NCAPH2: variants seen among roughly 807,000 people sequenced by gnomAD.
The protein encoded by NCAPH2 is condensin-2 complex subunit H2.
In NCAPH2, 56 loss-of-function variants were observed where a neutral mutation model predicts 88.6. The observed-to-expected ratio is 0.63, with a 90% CI of 0.51 to 0.79. NCAPH2 has a LOEUF of 0.79. NCAPH2 is among the 30% of genes least tolerant of loss of function. The pLI, the probability that NCAPH2 is intolerant of heterozygous loss-of-function variation, is 0.00. For synonymous variants in NCAPH2, 378 were observed against 313.6 expected (o/e 1.21, Z -2.17); for missense variants, 794 against 792.0 (o/e 1.00, Z -0.03).
Position 50,521,762 on chromosome 22 carries a change from C to A in NCAPH2, c.1022C>A (p.Pro341His), listed in dbSNP as rs138105501. 26 of 1,613,872 alleles carry A rather than the reference C, an allele frequency of 1.6e-5. No individual in the cohort carries two copies. Among genetic ancestry groups the A allele is most frequent in the East Asian group, 6.7e-5 (3 of 44,902 alleles). The change falls in exon 12 of 20, where the codon CCC becomes CAC. Residue 341 changes from proline to histidine, a missense_variant. Around this residue, in one of 2 missense-constraint regions of NCAPH2, gnomAD observed 735 missense variants for 696.3 expected, o/e 1.06. Coordinates refer to ENST00000420993, the MANE Select transcript of NCAPH2 (RefSeq NM_152299.4). ...CCAGGTAGGCCTTACTCTGTGCCCC[C>A]CTGTGTGGAGGAGGCTCTGGGACAG... ...FKKGRPYSVP[P>H]CVEEALGQKR...
Position 50,523,408 on chromosome 22 carries a change from T to C in NCAPH2, c.*33T>C, listed in dbSNP as rs1165547986. On this transcript the variant is annotated 3_prime_UTR_variant, in exon 20 of 20. Coordinates refer to ENST00000420993, the MANE Select transcript of NCAPH2 (RefSeq NM_152299.4). ...GCACCGAGGCAGGGGTGGGGGAATG[T>C]GTACTGAGGAGCCGTGTGTCTGCTC... The C allele has an allele frequency of 2.0e-6, 3 of 1,528,248 alleles. No individual in the cohort carries two copies. The Admixed American group carries it at 6.0e-5, about 31-fold the overall frequency. 94.7% of individuals were successfully genotyped at this position (1,528,248 alleles called of 1,614,324 possible).
Position 50,523,828 on chromosome 22 carries a change from G to C in NCAPH2, c.*453G>C. 1 of 1,614,096 alleles carries C rather than the reference G, an allele frequency of 6.2e-7. No homozygotes were observed. Among genetic ancestry groups the C allele is most frequent in the African/African-American group, 1.3e-5 (1 of 75,048 alleles). On this transcript the variant is annotated 3_prime_UTR_variant, in exon 20 of 20. Transcript: ENST00000420993. The stretch of plus-strand genomic sequence containing the variant: ...GTGACTAGCCTGGGCAACCTGTTTG[G>C]TGGAGCCGGTCAGACCCAACAGTCT...
At position 50,522,667 on chromosome 22, in the gene NCAPH2, C is replaced by T; in HGVS notation, c.1376-4C>T. The T allele has an allele frequency of 2.5e-6, 4 of 1,613,740 alleles. No homozygotes were observed. Among genetic ancestry groups the T allele is most frequent in the Non-Finnish European group, 3.4e-6 (4 of 1,179,994 alleles). ...CTGCCCAGCTCACAGCTACCCCTTC[C>T]CAGACGCAGTGCCGATGTCCCTGAG... On this transcript the variant is annotated splice_region_variant and splice_polypyrimidine_tract_variant and intron_variant, in intron 16 of 19. Transcript: ENST00000420993.
chr22:50,523,905 G>A lies in NCAPH2; in HGVS notation c.*530G>A, dbSNP rs761546260. 3.2e-5 allele frequency: 51 copies of A among 1,613,576 alleles called. No individual in the cohort carries two copies. The highest frequency in any genetic ancestry group is 4.2e-5 in the Non-Finnish European group (49 of 1,179,944). On this transcript the variant is annotated 3_prime_UTR_variant, in exon 20 of 20. Transcript: ENST00000420993. ...CCATGGCTTCAACGTCGTCCCGCTC[G>A]GGGTCCACAGTGATGAAGACAGGCT...
chr22:50,522,821 G>A lies in NCAPH2; in HGVS notation c.1426G>A (p.Glu476Lys), dbSNP rs772778427. The change falls in exon 18 of 20, where the codon GAG (glutamate) becomes AAG (lysine). Residue 476 changes from glutamate to lysine, a missense_variant and splice_region_variant. Coordinates refer to ENST00000420993, the MANE Select transcript of NCAPH2 (RefSeq NM_152299.4). ...SYEELVRRNV[E>K]LFIATSQKFV... The stretch of plus-strand genomic sequence containing the variant: ...GTAGCTCCTGCTGATCCTCCCCTAG[G>A]AGCTCTTCATCGCCACCTCCCAGAA... The A allele has an allele frequency of 6.2e-7, 1 of 1,613,140 alleles. No individual in the cohort carries two copies. Among genetic ancestry groups the A allele is most frequent in the Admixed American group, 1.7e-5 (1 of 60,004 alleles).
chr22:50,519,522 G>T, intron 9 of NCAPH2: 3 of 1,416,616 alleles, frequency 2.1e-6, no homozygotes, highest in Non-Finnish European at 2.8e-6. Flanking sequence ...CCCTCTCTGA[G>T]CAGAACTGAT....
At position 50,523,967 on chromosome 22, in the gene NCAPH2, G is replaced by A. The variant is rs1403272546; in HGVS notation, c.*592G>A. 16 of 1,612,152 alleles carry A rather than the reference G, an allele frequency of 9.9e-6. No homozygotes were observed. Among genetic ancestry groups the A allele is most frequent in the South Asian group, 8.8e-5 (8 of 91,072 alleles). On this transcript the variant is annotated 3_prime_UTR_variant, in exon 20 of 20. Transcript: ENST00000420993. Reference sequence around the variant, plus strand: ...AAACCAGGCTCTGCTTCCAGCTGCCGCACCACCTGCACCAGCTTCTCCAGC... The same window carrying A: ...AAACCAGGCTCTGCTTCCAGCTGCCACACCACCTGCACCAGCTTCTCCAGC...
Position 50,522,688 on chromosome 22 carries a change from C to T in NCAPH2, c.1393C>T (p.Leu465=), listed in dbSNP as rs777681490. The T allele has an allele frequency of 6.2e-7, 1 of 1,613,666 alleles. No homozygotes were observed. The highest frequency in any genetic ancestry group is 1.1e-5 in the South Asian group (1 of 91,074). ...CTTCCCAGACGCAGTGCCGATGTCC[C>T]TGAGCTACGAGGAGCTGGTTCGAAG... ...AADLDAVPMS[L]SYEELVRRNV... The change falls in exon 17 of 20, where the codon CTG becomes TTG. Residue 465 remains leucine (L), a synonymous_variant. Transcript: ENST00000420993.
At chr22:50,519,138 C>A in intron 8 of NCAPH2, 52 bp from the exon 9 acceptor site, 1 of 1,491,748 alleles carries the variant, frequency 6.7e-7, no homozygotes, top group South Asian at 1.3e-5. Context: ...CCTTTGGTGC[C>A]GTCTGGTCTC....
intron 1 of NCAPH2, among the ~76,000 whole-genome samples, chr22:50,510,452 G>T (rs1438042783): frequency 6.6e-6 from 1 of 151,968 alleles, no homozygotes; most frequent in East Asian, 1.9e-4. Context: ...TTTTGAGATG[G>T]AGTCTTGCTC....
At chr22:50,514,111 A>T (rs945517076) in intron 1 of NCAPH2, among the ~76,000 whole-genome samples, 1 of 152,084 alleles carries the variant, frequency 6.6e-6, no homozygotes, top group East Asian at 1.9e-4. Flanking sequence ...CGTCTCAAAC[A>T]AAACAAAACA....
intron 10 of NCAPH2, 97 bp downstream of exon 10, chr22:50,521,133 G>T: frequency 7.1e-7 from 1 of 1,406,536 alleles, no homozygotes; most frequent in Non-Finnish European, 9.7e-7. Flanking sequence ...CTGGCCTGTG[G>T]TGTTCCCAGC....
At position 50,524,700 on chromosome 22, in the gene NCAPH2, C is replaced by G. The variant is rs1381753666; in HGVS notation, c.*1325C>G. ...GCACCTCAGCAAGGTGAACCTCTTG[C>G]TGACGGAAAGCATTCCAAGTGCATG... On this transcript the variant is annotated 3_prime_UTR_variant, in exon 20 of 20. Coordinates refer to ENST00000420993, the MANE Select transcript of NCAPH2 (RefSeq NM_152299.4). 1.5e-6 allele frequency: 1 copy of G among 646,308 alleles called. No homozygotes were observed. The highest frequency in any genetic ancestry group is 3.3e-5 in the East Asian group (1 of 30,622). The allele number at this position is 646,308 out of a possible 1,614,324, so 40.0% of individuals were successfully genotyped here. A position where few individuals can be genotyped will look rare whatever the true frequency, so the allele number is the denominator to read the frequency against.
At chr22:50,521,481 C>G (rs1025296068) in intron 10 of NCAPH2, 62 bp from the exon 11 acceptor site, 2 of 1,562,804 alleles carry the variant, frequency 1.3e-6, no homozygotes, top group African/African-American at 2.7e-5. Context: ...TCCCCTACTC[C>G]TTTGGGAGGG....
intron 4 of NCAPH2, 26 bp downstream of exon 4, chr22:50,517,687 C>G: frequency 6.2e-7 from 1 of 1,614,070 alleles, no homozygotes. Context: ...ATGTGGTCCC[C>G]GCCCACTGTG....
chr22:50,519,575 G>A, intron 9 of NCAPH2: 2 of 1,268,454 alleles, frequency 1.6e-6, no homozygotes, highest in Non-Finnish European at 2.0e-6. Flanking sequence ...TTTGAGCCCT[G>A]TCGAGCTCAC....
Position 50,517,490 on chromosome 22 carries a change from C to A in NCAPH2, c.266+8C>A. 1 of 1,614,072 alleles carries A rather than the reference C, an allele frequency of 6.2e-7. No individual in the cohort carries two copies. Among genetic ancestry groups the A allele is most frequent in the Non-Finnish European group, 8.5e-7 (1 of 1,180,022 alleles). ...TTTCATCTCTGGAAAGAGGTGAGTT[C>A]TGCAGCCACTCACTGTGCTGCCCTG... On this transcript the variant is annotated splice_region_variant and intron_variant, in intron 3 of 19. Transcript: ENST00000420993.
rs532232162 is a variant in NCAPH2 at position 50,511,747 on chromosome 22, G to A, written c.108+3302G>A. ...TGCAAGCTCCATCTCCTGGGTTCGC[G>A]CCATTCTCCTACTTCAGCCTCCTCA... On this transcript the variant is annotated intron_variant, in intron 1 of 19. Coordinates refer to ENST00000420993, the MANE Select transcript of NCAPH2 (RefSeq NM_152299.4). 7.5e-5 allele frequency among the ~76,000 whole-genome samples: 11 copies of A among 145,818 alleles called. No homozygotes were observed. In the East Asian group the frequency reaches 2.2e-3, roughly 30 times the overall value.
chr22:50,513,632 C>G (rs949625838), intron 1 of NCAPH2, among the ~76,000 whole-genome samples: 2 of 152,218 alleles, frequency 1.3e-5, no homozygotes, highest in African/African-American at 2.4e-5. Flanking sequence ...TATGGTGGTG[C>G]ATGCCTGTAG....
Sources: gnomAD v4.1 joint callset for allele counts (sites outside exome capture counted in the v4.1 genomes callset) on GRCh38, gnomAD v4.1.1 for gene constraint, gnomAD v4.1.1 regional missense constraint, MANE v1.5 for transcripts, NCBI Gene and HGNC (gene_info 2026-07-23, HGNC 2026-07-21) for gene names.